The following ITPKA variants were observed in gnomAD, a reference collection of about 807,000 sequenced individuals.
ITPKA encodes the protein IP3 3-kinase A.
A neutral mutation model predicts 40.7 loss-of-function variants in ITPKA; 16 were observed. The ratio of observed to expected loss-of-function variants is 0.39; its 90% confidence interval spans 0.27 to 0.60. The LOEUF (loss-of-function observed/expected upper bound fraction) is 0.60. Among genes scored for constraint, ITPKA ranks in the 20% least tolerant of loss-of-function variants. ITPKA has a pLI of 0.50. For synonymous variants in ITPKA, 313 were observed against 289.9 expected, an observed-to-expected ratio of 1.08 and a Z score of -0.81; for missense variants, 540 against 649.3, an observed-to-expected ratio of 0.83 and a Z score of 1.83.
chr15:41,495,393 T>A (rs2051063651), intron 1 of ITPKA, among the ~76,000 whole-genome samples: 1 of 152,046 alleles, frequency 6.6e-6, no homozygotes, highest in Non-Finnish European at 1.5e-5. Flanking sequence ...TAAGTCCGGG[T>A]CGGCGCGGCG....
chr15:41,502,700 A>G, intron 5 of ITPKA, 88 bp from the exon 6 acceptor site: 2 of 1,293,646 alleles, frequency 1.5e-6, no homozygotes, highest in Non-Finnish European at 2.1e-6. Flanking sequence ...TTTGCCAAGC[A>G]CAGCGTGGGT....
chr15:41,502,196 A>C lies in ITPKA; in HGVS notation c.1003A>C (p.Ile335Leu). ...STTLGFRIEG[I>L]KKADGSCSTD... ...CACCCTCGGCTTCCGCATCGAGGGC[A>C]TCAAGGTGAGGCAGGCGCGCTTCGC... Residue 335 changes from isoleucine (I) to leucine (L), a missense_variant, in exon 4 of 7, where the codon ATC becomes CTC. Transcript: ENST00000260386. 1 of 1,576,112 alleles carries C rather than the reference A, an allele frequency of 6.3e-7. No individual in the cohort carries two copies. The highest frequency in any genetic ancestry group is 8.6e-7 in the Non-Finnish European group (1 of 1,161,230).
rs2140679853 is a variant in ITPKA, at chr15:41,502,775, C to T, written c.1111-13C>T. 1 of 1,599,504 alleles carries T rather than the reference C, an allele frequency of 6.3e-7. No homozygotes were observed. The highest frequency in any genetic ancestry group is 1.7e-5 in the Admixed American group (1 of 58,464). ...AGTTAATTTGCCCTCCTCTCCCACC[C>T]CACCCTCTGCAGAGGCGGTATCTGA... On this transcript the variant is annotated splice_polypyrimidine_tract_variant and intron_variant, in intron 5 of 6. Transcript: ENST00000260386.
intron 5 of ITPKA, 75 bp from the exon 6 acceptor site, chr15:41,502,706 TGGGTCCC>T (rs2051126868): frequency 1.5e-6 from 2 of 1,323,336 alleles, no homozygotes; most frequent in Admixed American, 4.5e-5. Context: ...AAGCACAGCG[TGGGTCCC>T]GGCTCCTCAT....
intron 1 of ITPKA, among the ~76,000 whole-genome samples, chr15:41,495,063 C>T (rs906062581): frequency 6.6e-6 from 1 of 152,212 alleles, no homozygotes; most frequent in East Asian, 1.9e-4. Flanking sequence ...CAGAGAGGGG[C>T]GGTAAACTGA....
Position 41,503,333 on chromosome 15 carries a change from G to A in ITPKA, c.*167G>A, listed in dbSNP as rs2051137685. 2 of 620,270 alleles carry A rather than the reference G, an allele frequency of 3.2e-6. No individual in the cohort carries two copies. The highest frequency in any genetic ancestry group is 5.6e-6 in the Non-Finnish European group (2 of 355,370). 38.4% of individuals were successfully genotyped at this position (620,270 alleles called of 1,614,324 possible). A position where few individuals can be genotyped will look rare whatever the true frequency, so the allele number is the denominator to read the frequency against. On this transcript the variant is annotated 3_prime_UTR_variant, in exon 7 of 7. Transcript: ENST00000260386. ...AGGGGGGGCACCGCCGATGCCAGGG[G>A]TTTTGCCCACCCGGGCCCCAGCGTT...
At chr15:41,495,477 A>G (rs962265246) in intron 1 of ITPKA, among the ~76,000 whole-genome samples, 2 of 152,126 alleles carry the variant, frequency 1.3e-5, no homozygotes, top group East Asian at 3.9e-4. Flanking sequence ...AGCTGTGGCG[A>G]CCTGCAGGGG....
chr15:41,496,177 T>G (rs941673774), intron 1 of ITPKA, among the ~76,000 whole-genome samples: 5 of 152,236 alleles, frequency 3.3e-5, no homozygotes, highest in Admixed American at 2.0e-4. Context: ...GGGCGGACTT[T>G]GCCTCGCCGC....
In ITPKA at chr15:41,501,669, C is replaced by A. The variant is rs962038213; in HGVS notation, c.621C>A (p.Ile207=). Residue 207 remains isoleucine (I), a synonymous_variant, in exon 3 of 7, where the codon ATC becomes ATA. Coordinates refer to ENST00000260386, the MANE Select transcript of ITPKA (RefSeq NM_002220.3). ...SFKAAGTSGL[I]LKRCSEPERY... The stretch of plus-strand genomic sequence containing the variant: ...AGGCGGCGGGCACCAGCGGGCTGAT[C>A]CTGAAGCGCTGCTCGGAGCCGGAGC... 3 of 1,609,488 alleles carry A rather than the reference C, an allele frequency of 1.9e-6. No individual in the cohort carries two copies. Among genetic ancestry groups the A allele is most frequent in the East Asian group, 4.5e-5 (2 of 44,734 alleles).
At chr15:41,499,713 G>T (rs1469571744) in intron 1 of ITPKA, among the ~76,000 whole-genome samples, 1 of 152,138 alleles carries the variant, frequency 6.6e-6, no homozygotes, top group Non-Finnish European at 1.5e-5. Flanking sequence ...AAGTGCCTCT[G>T]TGGGGAGGCG....
chr15:41,495,434 T>G (rs1031057174), intron 1 of ITPKA, among the ~76,000 whole-genome samples: 2 of 152,102 alleles, frequency 1.3e-5, no homozygotes, highest in Non-Finnish European at 2.9e-5. Flanking sequence ...GCGCGCCTGC[T>G]CCGCCGCACA....
chr15:41,496,211 C>G (rs2051069604), intron 1 of ITPKA, among the ~76,000 whole-genome samples: 1 of 152,268 alleles, frequency 6.6e-6, no homozygotes, highest in South Asian at 2.1e-4. Context: ...GCACAGCGCG[C>G]CGGCCCAGGC....
intron 1 of ITPKA, among the ~76,000 whole-genome samples, chr15:41,499,066 G>A (rs1318045210): frequency 6.6e-6 from 1 of 152,208 alleles, no homozygotes; most frequent in African/African-American, 2.4e-5. Flanking sequence ...GTGGGAGAAG[G>A]GGGTACAGGA....
chr15:41,503,082 C>G lies in ITPKA; in HGVS notation c.1302C>G (p.Pro434=), dbSNP rs750542806. ...PDGQILDHRR[P]WEEGNREDGY... ...GCCAGATCCTGGACCACCGGCGGCC[C>G]TGGGAGGAGGGCAACCGCGAGGACG... The change falls in exon 7 of 7, where the codon CCC becomes CCG. Residue 434 remains proline (P), a synonymous_variant. Coordinates refer to ENST00000260386, the MANE Select transcript of ITPKA (RefSeq NM_002220.3). 5 of 1,607,422 alleles carry G rather than the reference C, an allele frequency of 3.1e-6. No individual in the cohort carries two copies. The highest frequency in any genetic ancestry group is 3.4e-6 in the Non-Finnish European group (4 of 1,175,002).
rs143738235 is a variant in ITPKA, at chr15:41,496,236, C to A, written c.489+1820C>A. Among the ~76,000 whole-genome samples the A allele has an allele frequency of 6.6e-5, 10 of 152,356 alleles. No homozygotes were observed. In the East Asian group the frequency reaches 1.9e-3, roughly 29 times the overall value. On this transcript the variant is annotated intron_variant, in intron 1 of 6. Coordinates refer to ENST00000260386, the MANE Select transcript of ITPKA (RefSeq NM_002220.3). ...CCGGCCCAGGCCAATTTAGGGCTTCCCCAGGCAGGAAGCAAGGCTGGTCCG... is the reference window on the plus strand; with the variant it reads ...CCGGCCCAGGCCAATTTAGGGCTTCACCAGGCAGGAAGCAAGGCTGGTCCG...
chr15:41,500,121 C>T (rs757598021), intron 1 of ITPKA, among the ~76,000 whole-genome samples: 10 of 152,240 alleles, frequency 6.6e-5, no homozygotes, highest in Non-Finnish European at 1.2e-4. Flanking sequence ...CCACCATGTC[C>T]GGCTAATTTT....
chr15:41,503,000 G>C lies in ITPKA; in HGVS notation c.1220G>C (p.Cys407Ser). 6.2e-7 allele frequency: 1 copy of C among 1,607,550 alleles called. No individual in the cohort carries two copies. The highest frequency in any genetic ancestry group is 1.1e-5 in the South Asian group (1 of 90,636). ...GSSLLFVHDHCHRAGVWLIDF... is the reference protein window; with the variant it reads ...GSSLLFVHDHSHRAGVWLIDF... ...TCGCTCCTCTTTGTGCACGATCACT[G>C]CCATCGCGCCGGCGTGTGGCTCATC... Residue 407 changes from cysteine to serine, a missense_variant, in exon 7 of 7, where the codon TGC becomes TCC. Physicochemically the swap from Cys to Ser is moderately radical, Grantham distance 112. Coordinates refer to ENST00000260386, the MANE Select transcript of ITPKA (RefSeq NM_002220.3).
rs2051059623 is a variant in ITPKA, at chr15:41,494,854, T to C, written c.489+438T>C. Reference sequence around the variant, plus strand: ...GCCGCACCCCCGCCGTTGCCACGGTTTCCCTCTCCTGAGTGGGAGTGGAGC... The same window carrying C: ...GCCGCACCCCCGCCGTTGCCACGGTCTCCCTCTCCTGAGTGGGAGTGGAGC... On this transcript the variant is annotated intron_variant, in intron 1 of 6. Transcript: ENST00000260386. This position sits in a 1 kb window ranked among gnomAD's most constrained non-coding sequence, Gnocchi z 7.8. Among the ~76,000 whole-genome samples, 2 of 152,166 alleles carry C rather than the reference T, an allele frequency of 1.3e-5. 1 individual carries two copies. Among genetic ancestry groups the C allele is most frequent in the South Asian group, 4.1e-4 (2 of 4,828 alleles).
In ITPKA at chr15:41,494,331, A is replaced by G; in HGVS notation, c.404A>G (p.Glu135Gly). The G allele has an allele frequency of 6.5e-7, 1 of 1,528,686 alleles. No homozygotes were observed. The highest frequency in any genetic ancestry group is 8.7e-7 in the Non-Finnish European group (1 of 1,144,764). 94.7% of individuals were successfully genotyped at this position (1,528,686 alleles called of 1,614,324 possible). ...TCCACTGGCTCCTCGTCGCTGCTCG[A>G]GGACTCGGAGGACGACCTGCTGAGC... ...VSSTGSSSLLEDSEDDLLSDS... is the reference protein window; with the variant it reads ...VSSTGSSSLLGDSEDDLLSDS... Residue 135 changes from glutamate (E) to glycine (G), a missense_variant, in exon 1 of 7, where the codon GAG becomes GGG. Coordinates refer to ENST00000260386, the MANE Select transcript of ITPKA (RefSeq NM_002220.3). This position sits in a 1 kb window ranked among gnomAD's most constrained non-coding sequence, Gnocchi z 7.8.
Sources: allele counts gnomAD v4.1 joint callset (sites outside exome capture counted in the v4.1 genomes callset), GRCh38; gene constraint gnomAD v4.1.1; non-coding constraint Gnocchi (gnomAD v3.1); transcripts MANE v1.5; gene names NCBI Gene and HGNC (gene_info 2026-07-23, HGNC 2026-07-21).